Variants in RPS6KA5 observed in about 807,000 individuals in gnomAD.
RPS6KA5 encodes ribosomal protein S6 kinase alpha-5.
Under a neutral mutation model 85.5 loss-of-function variants are expected in RPS6KA5, and 27 were observed. The ratio of observed to expected loss-of-function variants is 0.32; its 90% CI spans 0.23 to 0.44. The LOEUF (loss-of-function observed/expected upper bound fraction) is 0.44, where lower values mean the gene tolerates loss of function less well. Ranked by LOEUF, RPS6KA5 falls within the 20% of genes least tolerant of loss-of-function variation. RPS6KA5 has a pLI of 1.00. For synonymous variants in RPS6KA5, 334 were observed against 348.2 expected, an observed-to-expected ratio of 0.96 and a Z score of 0.46; for missense variants, 811 against 980.9, an observed-to-expected ratio of 0.83 and a Z score of 2.31.
At chr14:91,044,339 CAAA>C (rs2042735970) in intron 1 of RPS6KA5, among the ~76,000 whole-genome samples, 42 of 76,922 alleles carry the variant, frequency 5.5e-4, no homozygotes, top group African/African-American at 1.9e-3. Context: ...GAAAGATAGA[CAAA>C]GAAAGAAAGA....
In RPS6KA5 at chr14:90,958,626, C is replaced by T. The variant is rs900176181; in HGVS notation, c.395-11076G>A. ...AAATCTGTGTTTTAAAAGAATATAT[C>T]TTCCTAAGGTTTGTTCATTTTATTC... On this transcript the variant is annotated intron_variant, in intron 3 of 16. Coordinates refer to ENST00000614987, the MANE Select transcript of RPS6KA5 (RefSeq NM_004755.4). Among the ~76,000 whole-genome samples, 3 of 152,060 alleles carry T rather than the reference C, an allele frequency of 2.0e-5. No homozygotes were observed. The East Asian group carries it at 5.8e-4, about 29-fold the overall frequency.
intron 3 of RPS6KA5, among the ~76,000 whole-genome samples, chr14:90,962,201 ACTT>A (rs1427182181): frequency 6.6e-6 from 1 of 152,112 alleles, no homozygotes; most frequent in Non-Finnish European, 1.5e-5. Flanking sequence ...GTGGCATGAA[ACTT>A]CTTATTATTG....
chr14:90,981,593 A>G (rs894898379), intron 2 of RPS6KA5, among the ~76,000 whole-genome samples: 2 of 152,262 alleles, frequency 1.3e-5, no homozygotes, highest in Non-Finnish European at 2.9e-5. Context: ...TGATAACATC[A>G]AGAAGTTTCC....
rs768843079 is a variant in RPS6KA5 at position 91,060,441 on chromosome 14, C to T, written c.-7G>A. The T allele has an allele frequency of 9.7e-5, 142 of 1,462,760 alleles. No individual in the cohort carries two copies. The highest frequency in any genetic ancestry group is 1.3e-4 in the Non-Finnish European group (139 of 1,097,128). The allele number at this position is 1,462,760 out of a possible 1,614,324, so 90.6% of individuals were successfully genotyped here. A position where few individuals can be genotyped will look rare whatever the true frequency, so the allele number is the denominator to read the frequency against. On this transcript the variant is annotated 5_prime_UTR_variant, in exon 1 of 17. Coordinates refer to ENST00000614987, the MANE Select transcript of RPS6KA5 (RefSeq NM_004755.4). ...TGCCACCCTCCTCCTCCATCTTCTC[C>T]TTTTTTTCCGATCCCGCGGGTCGCT... is the stretch of plus-strand genomic sequence containing the variant.
chr14:90,938,952 G>C (rs1038750377), intron 5 of RPS6KA5, among the ~76,000 whole-genome samples: 1 of 152,158 alleles, frequency 6.6e-6, no homozygotes, highest in African/African-American at 2.4e-5. Context: ...CAGCTGGCTT[G>C]AATTTCTCTT....
chr14:91,053,734 G>GT (rs2139960487), intron 1 of RPS6KA5, among the ~76,000 whole-genome samples: 1 of 152,312 alleles, frequency 6.6e-6, no homozygotes, highest in South Asian at 2.1e-4. Flanking sequence ...CATGTTCATA[G>GT]ATCAGACGAC....
At chr14:91,033,768 T>C (rs2042287367) in intron 1 of RPS6KA5, among the ~76,000 whole-genome samples, 1 of 152,194 alleles carries the variant, frequency 6.6e-6, no homozygotes, top group Non-Finnish European at 1.5e-5. Flanking sequence ...GTATTTAACT[T>C]GTAGGCATGT....
chr14:90,860,848 A>G lies in RPS6KA5; in HGVS notation c.*11226T>C, dbSNP rs1237914849. ...AAGGCAGGATGGAAAGAAAAACACC[A>G]GAAAACATAAATATGTGAGCAAACA... On this transcript the variant is annotated 3_prime_UTR_variant, in exon 17 of 17. Transcript: ENST00000614987. The G allele has an allele frequency of 6.6e-6, 1 of 151,976 alleles. No homozygotes were observed. Among genetic ancestry groups the G allele is most frequent in the Non-Finnish European group, 1.5e-5 (1 of 68,020 alleles). The allele number at this position is 151,976 out of a possible 1,614,324, so 9.4% of individuals were successfully genotyped here. A position where few individuals can be genotyped will look rare whatever the true frequency, so the allele number is the denominator to read the frequency against.
intron 12 of RPS6KA5, among the ~76,000 whole-genome samples, chr14:90,895,657 G>T (rs947293363): frequency 6.6e-5 from 10 of 152,320 alleles, no homozygotes; most frequent in African/African-American, 2.2e-4. Context: ...AGGCCAGGGT[G>T]AGAGGACTGC....
intron 1 of RPS6KA5, among the ~76,000 whole-genome samples, chr14:91,051,188 G>C (rs528820306): frequency 5.9e-5 from 9 of 152,138 alleles, no homozygotes; most frequent in Non-Finnish European, 1.3e-4. Context: ...GCAGTGAGCT[G>C]AGATCACGCC....
chr14:90,983,693 G>A (rs955108915), intron 2 of RPS6KA5, among the ~76,000 whole-genome samples: 15 of 146,484 alleles, frequency 1.0e-4, no homozygotes, highest in African/African-American at 3.5e-4. Context: ...AAGGGGAGGG[G>A]AAAGGGGCAT....
chr14:91,060,404 C>G lies in RPS6KA5; in HGVS notation c.31G>C (p.Ala11Pro), dbSNP rs746185525. The change falls in exon 1 of 17, where the codon GCC (alanine) becomes CCC (proline). Residue 11 changes from alanine (A) to proline (P), a missense_variant. This residue lies in a region of RPS6KA5 where 113 missense variants were observed against 100.0 expected (regional missense o/e 1.13). Transcript: ENST00000614987. MEEEGGSSGGAAGTSADGGDG... is the reference protein window; with the variant it reads MEEEGGSSGGPAGTSADGGDG... ...CCGCCGTCCGCGCTGGTCCCCGCGGCGCCGCCGCTGCTGCCACCCTCCTCC... is the reference window on the plus strand; with the variant it reads ...CCGCCGTCCGCGCTGGTCCCCGCGGGGCCGCCGCTGCTGCCACCCTCCTCC... The G allele has an allele frequency of 6.6e-7, 1 of 1,507,666 alleles. No individual in the cohort carries two copies. The highest frequency in any genetic ancestry group is 2.7e-5 in the East Asian group (1 of 37,354). 93.4% of individuals were successfully genotyped at this position (1,507,666 alleles called of 1,614,324 possible).
At chr14:90,909,649 G>A (rs1331697027) in intron 7 of RPS6KA5, among the ~76,000 whole-genome samples, 3 of 152,160 alleles carry the variant, frequency 2.0e-5, no homozygotes, top group African/African-American at 7.2e-5. Flanking sequence ...AGCAAATTGG[G>A]TTGATTGCCT....
At chr14:90,999,230 C>CA (rs1165949256) in intron 2 of RPS6KA5, among the ~76,000 whole-genome samples, 1 of 151,866 alleles carries the variant, frequency 6.6e-6, no homozygotes, top group African/African-American at 2.4e-5. Context: ...AAACAAAAAA[C>CA]AAAAAAACAA....
At position 90,953,907 on chromosome 14, in the gene RPS6KA5, G is replaced by A. The variant is rs2038362307; in HGVS notation, c.395-6357C>T. On this transcript the variant is annotated intron_variant, in intron 3 of 16. Coordinates refer to ENST00000614987, the MANE Select transcript of RPS6KA5 (RefSeq NM_004755.4). Reference sequence around the variant, plus strand: ...AGCTGAACACAGACCCTTATCAGTAGTTCTGAGTTTGCCCTTGTCCTGTTT... The same window carrying A: ...AGCTGAACACAGACCCTTATCAGTAATTCTGAGTTTGCCCTTGTCCTGTTT... Among the ~76,000 whole-genome samples, 2 of 152,206 alleles carry A rather than the reference G, an allele frequency of 1.3e-5. 1 individual carries two copies. Among genetic ancestry groups the A allele is most frequent in the South Asian group, 4.1e-4 (2 of 4,832 alleles).
rs2032660649 is a variant in RPS6KA5 at position 90,863,327 on chromosome 14, A to AAAC, written c.*8746_*8747insGTT. ...CAAAAAAAAAAAAAAAAAAAAAAAA[A>AAAC]AAAGAAAAGAAAAGAAAAAAATATA... On this transcript the variant is annotated 3_prime_UTR_variant, in exon 17 of 17. Coordinates refer to ENST00000614987, the MANE Select transcript of RPS6KA5 (RefSeq NM_004755.4). 1.4e-5 allele frequency: 2 copies of AAAC among 140,200 alleles called. No homozygotes were observed. Among genetic ancestry groups the AAAC allele is most frequent in the Non-Finnish European group, 3.0e-5 (2 of 66,454 alleles). 8.7% of individuals were successfully genotyped at this position (140,200 alleles called of 1,614,324 possible).
At chr14:90,992,509 A>C (rs2040353081) in intron 2 of RPS6KA5, among the ~76,000 whole-genome samples, 1 of 152,250 alleles carries the variant, frequency 6.6e-6, no homozygotes, top group Admixed American at 6.5e-5. Context: ...GAAAATACAC[A>C]CAAGGTTTGA....
rs111977998 is a variant in RPS6KA5 at position 91,058,229 on chromosome 14, T to C, written c.103+2103A>G. On this transcript the variant is annotated intron_variant, in intron 1 of 16. Coordinates refer to ENST00000614987, the MANE Select transcript of RPS6KA5 (RefSeq NM_004755.4). ...TCCAGTGTTCAGTAATAAATCAAAA[T>C]GATTGTTCGTTTCCTTTGACAGTTA... Among the ~76,000 whole-genome samples, 683 of 152,346 alleles carry C rather than the reference T, an allele frequency of 4.5e-3. 2 individuals are homozygous for C. Among genetic ancestry groups the C allele is most frequent in the African/African-American group, 0.016 (652 of 41,566 alleles).
At chr14:91,056,142 T>C (rs2043307624) in intron 1 of RPS6KA5, among the ~76,000 whole-genome samples, 1 of 152,188 alleles carries the variant, frequency 6.6e-6, no homozygotes, top group African/African-American at 2.4e-5. Flanking sequence ...CCACTAAGGT[T>C]TGGAATAATT....
Sources: allele counts gnomAD v4.1 joint callset (sites outside exome capture counted in the v4.1 genomes callset), GRCh38; gene constraint gnomAD v4.1.1; regional missense constraint gnomAD v4.1.1; transcripts MANE v1.5; gene names NCBI Gene and HGNC (gene_info 2026-07-23, HGNC 2026-07-21).